The following SUN1 variants were observed in gnomAD, a reference collection of about 807,000 sequenced individuals.
SUN1 encodes the protein Sad1 and UNC84 domain containing 1.
Under a neutral mutation model 103.2 loss-of-function variants are expected in SUN1, and 61 were observed. That is an observed-to-expected ratio of 0.59 (90% CI 0.48 to 0.73). The LOEUF (loss-of-function observed/expected upper bound fraction) is 0.73. Ranked by LOEUF, SUN1 falls within the 30% of genes least tolerant of loss-of-function variation. The pLI is 0.00. For synonymous variants in SUN1, 490 were observed against 425.7 expected (o/e 1.15, Z -1.86); for missense variants, 1,052 against 1,034.6 (o/e 1.02, Z -0.23).
chr7:830,957 C>G (rs10215843), upstream of SUN1: 424,194 of 984,832 alleles, frequency 0.43, 91,765 homozygotes, highest in East Asian at 0.49. Flanking sequence ...CTCAGGAGCC[C>G]AGGCATGGTG....
chr7:858,483 G>A (rs1044433090), intron 13 of SUN1, among the ~76,000 whole-genome samples: 3 of 151,920 alleles, frequency 2.0e-5, no homozygotes, highest in Non-Finnish European at 2.9e-5. Flanking sequence ...ACCACTGTGC[G>A]TCAGCACCCA....
chr7:830,720 G>A (rs1584176851), upstream of SUN1, among the ~76,000 whole-genome samples: 1 of 152,240 alleles, frequency 6.6e-6, no homozygotes, highest in Admixed American at 6.5e-5. Flanking sequence ...CTGAGCAGGA[G>A]TGGATGTCCA....
intron 18 of SUN1, among the ~76,000 whole-genome samples, chr7:872,768 A>T (rs1469040320): frequency 6.6e-6 from 1 of 152,156 alleles, no homozygotes; most frequent in African/African-American, 2.4e-5. Flanking sequence ...GCCCTGTGAT[A>T]CATTACTTAG....
upstream of SUN1, among the ~76,000 whole-genome samples, chr7:827,944 C>T (rs1794133930): frequency 6.6e-6 from 1 of 152,144 alleles, no homozygotes; most frequent in Non-Finnish European, 1.5e-5. Context: ...GAGTCTCACT[C>T]TGTCACAGGC....
intron 1 of SUN1, chr7:817,050 C>G (rs941772868): frequency 5.7e-6 from 1 of 174,606 alleles, no homozygotes; most frequent in Non-Finnish European, 1.2e-5. Flanking sequence ...AGGCCTCGGC[C>G]CGGGCTGCCC....
chr7:869,516 T>C lies in SUN1; in HGVS notation c.2148T>C (p.Tyr716=), dbSNP rs764229313. 2.5e-6 allele frequency: 4 copies of C among 1,612,850 alleles called. No individual in the cohort carries two copies. The highest frequency in any genetic ancestry group is 3.4e-6 in the Non-Finnish European group (4 of 1,179,324). ...ISSAPKDFAV[Y]GLENEYQEEG... ...GCGCCCCCAAGGACTTCGCCGTCTA[T>C]GTGAGTGCCCTTGGCCGACCCTCCT... The change falls in exon 17 of 19, where the codon TAT becomes TAC. Residue 716 remains tyrosine, a splice_region_variant and synonymous_variant. Transcript: ENST00000401592.
intron 16 of SUN1, 72 bp downstream of exon 16, chr7:866,139 C>T: frequency 7.5e-7 from 1 of 1,330,064 alleles, no homozygotes; most frequent in Admixed American, 1.8e-5. Context: ...GGTCGTAGGT[C>T]CACAGCTCCA....
Position 873,290 on chromosome 7 carries a change from T to C in SUN1, c.2317T>C (p.Cys773Arg), listed in dbSNP as rs1250306255. ...TAACTGGGGCCATCCTGAGTATACC[T>C]GTCTGTATCGGTTCAGAGTTCATGG... is the stretch of plus-strand genomic sequence containing the variant. ...FSNWGHPEYTCLYRFRVHGEP... is the reference protein window; with the variant it reads ...FSNWGHPEYTRLYRFRVHGEP... The change falls in exon 19 of 19, where the codon TGT becomes CGT. Residue 773 changes from cysteine (C) to arginine (R), a missense_variant. Physicochemically the swap from Cys to Arg is radical, Grantham distance 180. Transcript: ENST00000401592. 2 of 1,614,254 alleles carry C rather than the reference T, an allele frequency of 1.2e-6. No individual in the cohort carries two copies. The highest frequency in any genetic ancestry group is 1.1e-5 in the South Asian group (1 of 91,088).
At position 842,108 on chromosome 7, in the gene SUN1, G is replaced by C. The variant is rs776271425; in HGVS notation, c.429G>C (p.Gln143His). 1.9e-6 allele frequency: 3 copies of C among 1,613,976 alleles called. No individual in the cohort carries two copies. The highest frequency in any genetic ancestry group is 1.1e-5 in the South Asian group (1 of 91,068). Residue 143 changes from glutamine to histidine, a missense_variant, in exon 3 of 19, where the codon CAG (glutamine) becomes CAC (histidine). By Grantham distance (24) the Gln-to-His change is conservative. Around this residue, in one of 2 missense-constraint regions of SUN1, gnomAD observed 846 missense variants for 774.5 expected, o/e 1.09. Coordinates refer to ENST00000401592, the MANE Select transcript of SUN1 (RefSeq NM_001130965.3). The stretch of plus-strand genomic sequence containing the variant: ...TGGACGAGTCTTGGATTCGTGAACA[G>C]ACCACAGTGGACCACTTCTGGGGTG... Reference protein sequence around the residue: ...PVLDESWIREQTTVDHFWGLD... With the variant: ...PVLDESWIREHTTVDHFWGLD...
Position 864,573 on chromosome 7 carries a change from A to G in SUN1, c.1865-1379A>G, listed in dbSNP as rs199917564. 9.4e-4 allele frequency among the ~76,000 whole-genome samples: 142 copies of G among 150,776 alleles called. 3 individuals carry two copies. The East Asian group carries it at 0.023, about 25-fold the overall frequency. ...TTATCTCAAAAAAAAAAAAAAAAAA[A>G]GCACAATGAAGTTCACTACAGTCAC... is the stretch of plus-strand genomic sequence containing the variant. On this transcript the variant is annotated intron_variant, in intron 15 of 18. Transcript: ENST00000401592.
chr7:845,006 C>T (rs1813983911), intron 5 of SUN1, among the ~76,000 whole-genome samples: 1 of 152,192 alleles, frequency 6.6e-6, no homozygotes, highest in South Asian at 2.1e-4. Flanking sequence ...TTGAAGCATG[C>T]CATTGATAGG....
At chr7:849,003 G>C (rs568956396) in intron 5 of SUN1, among the ~76,000 whole-genome samples, 25 of 152,330 alleles carry the variant, frequency 1.6e-4, no homozygotes, top group African/African-American at 6.0e-4. Flanking sequence ...CCAGGCTGGA[G>C]TGCAGTGGTG....
chr7:837,871 T>C (rs1804978994), intron 1 of SUN1, among the ~76,000 whole-genome samples: 1 of 152,212 alleles, frequency 6.6e-6, no homozygotes, highest in Admixed American at 6.5e-5. Context: ...TTGTGTAAAA[T>C]ATTCTGCTAG....
At position 853,575 on chromosome 7, in the gene SUN1, C is replaced by A. The variant is rs771711877; in HGVS notation, c.1220C>A (p.Pro407Gln). Residue 407 changes from proline (P) to glutamine (Q), a missense_variant, in exon 10 of 19, where the codon CCG becomes CAG. Physicochemically the swap from Pro to Gln is moderately conservative, Grantham distance 76. Transcript: ENST00000401592. ...CAGATGGAAGGCGGCGCTGCCGGGC[C>A]GTCAGCTTCGGTCAGAGACGCTGTG... ...VDQMEGGAAG[P>Q]SASVRDAVGQ... 6.2e-7 allele frequency: 1 copy of A among 1,609,002 alleles called. No homozygotes were observed. Among genetic ancestry groups the A allele is most frequent in the Admixed American group, 1.7e-5 (1 of 60,018 alleles).
chr7:829,773 C>G (rs1396469457), upstream of SUN1, among the ~76,000 whole-genome samples: 1 of 152,144 alleles, frequency 6.6e-6, no homozygotes, highest in Non-Finnish European at 1.5e-5. Flanking sequence ...CCAGGATGGT[C>G]TCGATCTCTC....
intron 15 of SUN1, among the ~76,000 whole-genome samples, chr7:862,419 T>G (rs1266815885): frequency 1.3e-5 from 2 of 152,218 alleles, no homozygotes; most frequent in African/African-American, 2.4e-5. Flanking sequence ...CTCTGAGTTC[T>G]TTCTGTGGTG....
At chr7:843,708 G>C in intron 5 of SUN1, 188 bp downstream of exon 5, 2 of 1,435,626 alleles carry the variant, frequency 1.4e-6, no homozygotes, top group Admixed American at 3.3e-5. Context: ...TATGTGGTTA[G>C]TAATTTTGTA....
intron 7 of SUN1, 45 bp downstream of exon 7, chr7:852,088 A>T: frequency 6.5e-7 from 1 of 1,543,114 alleles, no homozygotes; most frequent in South Asian, 1.1e-5. Flanking sequence ...TAAGGAACCA[A>T]TTTTGTGCCA....
intron 2 of SUN1, among the ~76,000 whole-genome samples, chr7:841,251 T>C (rs1373223520): frequency 6.9e-6 from 1 of 145,892 alleles, no homozygotes; most frequent in Admixed American, 6.8e-5. Context: ...CCTATTTTTT[T>C]TTTTTTTTTT....
Sources: gnomAD v4.1 joint callset for allele counts (sites outside exome capture counted in the v4.1 genomes callset) on GRCh38, gnomAD v4.1.1 for gene constraint, gnomAD v4.1.1 regional missense constraint, MANE v1.5 for transcripts, NCBI Gene and HGNC (gene_info 2026-07-23, HGNC 2026-07-21) for gene names.